NEUROG3: variants seen among roughly 807,000 people sequenced by gnomAD.
The protein encoded by NEUROG3 is neurogenin-3.
For missense variants in NEUROG3, 307 were observed against 297.9 expected, an observed-to-expected ratio of 1.03 and a Z score of -0.22; for synonymous variants, 161 against 139.2, an observed-to-expected ratio of 1.16 and a Z score of -1.10.
At chr10:69,573,150 C>G in intron 1 of NEUROG3, 60 bp downstream of exon 1, 6 of 1,292,890 alleles carry the variant, frequency 4.6e-6, no homozygotes, top group South Asian at 1.3e-5. Flanking sequence ...CTCCCAGCCC[C>G]CGCTGGGTCA....
At position 69,572,677 on chromosome 10, in the gene NEUROG3, C is replaced by G. The variant is rs140128333; in HGVS notation, c.367G>C (p.Glu123Gln). The G allele has an allele frequency of 4.3e-5, 69 of 1,614,124 alleles. No homozygotes were observed. Among genetic ancestry groups the G allele is most frequent in the Admixed American group, 3.2e-4 (19 of 60,026 alleles). The change falls in exon 2 of 2, where the codon GAG becomes CAG. Residue 123 changes from glutamate (E) to glutamine (Q), a missense_variant. Coordinates refer to ENST00000242462, the MANE Select transcript of NEUROG3 (RefSeq NM_020999.4). ...TAGTTGTGGGCGAAGCGCAGCGTCT[C>G]GATCTTGGTGAGCTTCGCGTCGTCT... Reference protein sequence around the residue: ...FPDDAKLTKIETLRFAHNYIW... With the variant: ...FPDDAKLTKIQTLRFAHNYIW...
chr10:69,572,317 C>A lies in NEUROG3; in HGVS notation c.*82G>T. On this transcript the variant is annotated 3_prime_UTR_variant, in exon 2 of 2. Transcript: ENST00000242462. ...GAACAAGTGCTTTTGAGGGCCGCCG[C>A]CGTCGGCCACCCTCTACGGCTCCCG... 1 of 1,470,240 alleles carries A rather than the reference C, an allele frequency of 6.8e-7. No homozygotes were observed. The highest frequency in any genetic ancestry group is 1.2e-5 in the South Asian group (1 of 82,604). The allele number at this position is 1,470,240 out of a possible 1,614,324, so 91.1% of individuals were successfully genotyped here. A position where few individuals can be genotyped will look rare whatever the true frequency, so the allele number is the denominator to read the frequency against.
At chr10:69,573,098 C>A (rs1453273259) in intron 1 of NEUROG3, 54 bp from the exon 2 acceptor site, 3 of 1,595,256 alleles carry the variant, frequency 1.9e-6, no homozygotes, top group Non-Finnish European at 1.7e-6. Context: ...GGGCGCAGTC[C>A]GCGATTCCGA....
rs750440996 is a variant in NEUROG3 at position 69,573,020 on chromosome 10, C to T, written c.24G>A (p.Ala8=). The change falls in exon 2 of 2, where the codon GCG becomes GCA. Residue 8 remains alanine (A), a synonymous_variant. Coordinates refer to ENST00000242462, the MANE Select transcript of NEUROG3 (RefSeq NM_020999.4). ...TCTCACGGGTCACTTGGACAGTGGGCGCACCCGAGGGTTGAGGCGTCATCC... is the reference window on the plus strand; with the variant it reads ...TCTCACGGGTCACTTGGACAGTGGGTGCACCCGAGGGTTGAGGCGTCATCC... The part of the protein sequence containing the change: MTPQPSG[A]PTVQVTRETE... The T allele has an allele frequency of 2.5e-6, 4 of 1,613,480 alleles. No homozygotes were observed. The highest frequency in any genetic ancestry group is 3.4e-6 in the Non-Finnish European group (4 of 1,179,994).
rs199756893 is a variant in NEUROG3 at position 69,572,576 on chromosome 10, G to A, written c.468C>T (p.Cys156=). ...AACCGCCTGGGCTGCCCAGCTCCCC[G>A]CAGTGCGGCGCCGGCGGCTCCAGCG... The part of the protein sequence containing the change: ...LYALEPPAPH[C]GELGSPGGSP... Residue 156 remains cysteine, a synonymous_variant, in exon 2 of 2, where the codon TGC becomes TGT. Coordinates refer to ENST00000242462, the MANE Select transcript of NEUROG3 (RefSeq NM_020999.4). 4 of 1,613,310 alleles carry A rather than the reference G, an allele frequency of 2.5e-6. No homozygotes were observed. The highest frequency in any genetic ancestry group is 1.7e-5 in the Admixed American group (1 of 59,940).
rs764615341 is a variant in NEUROG3, at chr10:69,572,791, G to A, written c.253C>T (p.Arg85Ter). Residue 85 changes from arginine (R) to a stop codon, truncating the protein, a stop_gained, in exon 2 of 2, where the codon CGA becomes TGA. Transcript: ENST00000242462. LOFTEE classifies it low-confidence loss of function (END_TRUNC). ...LALSKQRRSRRKKANDRERNR... is the reference protein window; with the variant it reads ...LALSKQRRSR ...CGCTCGCGGTCGTTGGCCTTCTTTCGCCGACTCCGTCGCTGCTTGCTCAGT... is the reference window on the plus strand; with the variant it reads ...CGCTCGCGGTCGTTGGCCTTCTTTCACCGACTCCGTCGCTGCTTGCTCAGT... The A allele has an allele frequency of 7.4e-6, 12 of 1,613,550 alleles. No individual in the cohort carries two copies. The highest frequency in any genetic ancestry group is 6.7e-5 in the African/African-American group (5 of 74,934).
At position 69,573,244 on chromosome 10, in the gene NEUROG3, G is replaced by A; in HGVS notation, c.-36C>T. The A allele has an allele frequency of 1.6e-6, 1 of 639,056 alleles. No homozygotes were observed. Among genetic ancestry groups the A allele is most frequent in the South Asian group, 2.0e-5 (1 of 50,496 alleles). 39.6% of individuals were successfully genotyped at this position (639,056 alleles called of 1,614,324 possible). A position where few individuals can be genotyped will look rare whatever the true frequency, so the allele number is the denominator to read the frequency against. On this transcript the variant is annotated 5_prime_UTR_variant, in exon 1 of 2. Transcript: ENST00000242462. Reference sequence around the variant, plus strand: ...GGCGCAAAAGAATAGAGAGCGATGAGCAGCGAGGGCCGTGGGGAGCTCAGC... The same window carrying A: ...GGCGCAAAAGAATAGAGAGCGATGAACAGCGAGGGCCGTGGGGAGCTCAGC...
In NEUROG3 at chr10:69,572,833, G is replaced by T. The variant is rs1246939690; in HGVS notation, c.211C>A (p.Pro71Thr). 3 of 1,611,030 alleles carry T rather than the reference G, an allele frequency of 1.9e-6. No homozygotes were observed. The highest frequency in any genetic ancestry group is 1.1e-5 in the South Asian group (1 of 90,826). Residue 71 changes from proline (P) to threonine (T), a missense_variant, in exon 2 of 2, where the codon CCT (proline) becomes ACT (threonine). Transcript: ENST00000242462. ...LRARRGGRSR[P>T]KSELALSKQR... ...TTGCTCAGTGCCAACTCGCTCTTAG[G>T]CCGGCTGCGTCCCCCGCGCCGTGCC...
rs193167555 is a variant in NEUROG3, at chr10:69,572,001, G to A, written c.*398C>T. ...AACATTGGATTGAATCACATTGGAG[G>A]AGGGGTGGTAAGAGACTGAGAGGCA... On this transcript the variant is annotated 3_prime_UTR_variant, in exon 2 of 2. Transcript: ENST00000242462. 116 of 251,020 alleles carry A rather than the reference G, an allele frequency of 4.6e-4. No homozygotes were observed. Among genetic ancestry groups the A allele is most frequent in the African/African-American group, 2.4e-3 (106 of 44,438 alleles). 15.5% of individuals were successfully genotyped at this position (251,020 alleles called of 1,614,324 possible). A position where few individuals can be genotyped will look rare whatever the true frequency, so the allele number is the denominator to read the frequency against.
chr10:69,573,315 T>C lies in NEUROG3; in HGVS notation c.-107A>G. 1.8e-6 allele frequency: 1 copy of C among 558,974 alleles called. No individual in the cohort carries two copies. Among genetic ancestry groups the C allele is most frequent in the Non-Finnish European group, 3.2e-6 (1 of 317,368 alleles). 34.6% of individuals were successfully genotyped at this position (558,974 alleles called of 1,614,324 possible). On this transcript the variant is annotated 5_prime_UTR_variant, in exon 1 of 2. Coordinates refer to ENST00000242462, the MANE Select transcript of NEUROG3 (RefSeq NM_020999.4). ...CAGCTGAGCTGCAGGCGCCCCCGCC[T>C]GGGAGTTGCCCCAGCCCCAAAGGAG...
Position 69,571,993 on chromosome 10 carries a change from C to T in NEUROG3, c.*406G>A, listed in dbSNP as rs1307855773. ...AGAGACCAAACATTGGATTGAATCA[C>T]ATTGGAGGAGGGGTGGTAAGAGACT... On this transcript the variant is annotated 3_prime_UTR_variant, in exon 2 of 2. Transcript: ENST00000242462. 6 of 237,018 alleles carry T rather than the reference C, an allele frequency of 2.5e-5. No individual in the cohort carries two copies. Among genetic ancestry groups the T allele is most frequent in the Non-Finnish European group, 2.5e-5 (3 of 121,258 alleles). The allele number at this position is 237,018 out of a possible 1,614,324, so 14.7% of individuals were successfully genotyped here.
chr10:69,572,371 C>T lies in NEUROG3; in HGVS notation c.*28G>A. 6.3e-7 allele frequency: 1 copy of T among 1,576,334 alleles called. No homozygotes were observed. Among genetic ancestry groups the T allele is most frequent in the Non-Finnish European group, 8.6e-7 (1 of 1,169,160 alleles). ...CCCTCCCTCTCCCTTACCCTTAGCA[C>T]CCACAGCCCAGCGACAGACAGGTCC... On this transcript the variant is annotated 3_prime_UTR_variant, in exon 2 of 2. Coordinates refer to ENST00000242462, the MANE Select transcript of NEUROG3 (RefSeq NM_020999.4).
Position 69,572,437 on chromosome 10 carries a change from A to C in NEUROG3, c.607T>G (p.Leu203Val), listed in dbSNP as rs757915911. The C allele has an allele frequency of 6.3e-7, 1 of 1,589,232 alleles. No individual in the cohort carries two copies. The highest frequency in any genetic ancestry group is 1.3e-5 in the African/African-American group (1 of 74,342). Residue 203 changes from leucine to valine, a missense_variant, in exon 2 of 2, where the codon TTG (leucine) becomes GTG (valine). Physicochemically the swap from Leu to Val is conservative, Grantham distance 32 (BLOSUM62 1). Transcript: ENST00000242462. ...GAGAAAGCCAGACTGCCTGGGCTCA[A>C]GCAGGCGGAAAAGGTGGCCCCCAGC... is the stretch of plus-strand genomic sequence containing the variant. ...GLLGATFSAC[L>V]SPGSLAFSDF... is the part of the protein sequence containing the mutation.
Position 69,572,104 on chromosome 10 carries a change from T to C in NEUROG3, c.*295A>G, listed in dbSNP as rs1422765530. The C allele has an allele frequency of 8.1e-6, 4 of 495,580 alleles. No individual in the cohort carries two copies. In the East Asian group the frequency reaches 1.4e-4, roughly 18 times the overall value. The allele number at this position is 495,580 out of a possible 1,614,324, so 30.7% of individuals were successfully genotyped here. On this transcript the variant is annotated 3_prime_UTR_variant, in exon 2 of 2. Transcript: ENST00000242462. ...GGTAGTGCTACCATTCTAGTATTCT[T>C]TGAATGAGATTATGGGGTGGTGGCA...
In NEUROG3 at chr10:69,573,382, C is replaced by G. The variant is rs2133228138; in HGVS notation, c.-174G>C. The G allele has an allele frequency of 2.5e-6, 1 of 407,104 alleles. No individual in the cohort carries two copies. Among genetic ancestry groups the G allele is most frequent in the African/African-American group, 2.1e-5 (1 of 48,444 alleles). 25.2% of individuals were successfully genotyped at this position (407,104 alleles called of 1,614,324 possible). A position where few individuals can be genotyped will look rare whatever the true frequency, so the allele number is the denominator to read the frequency against. On this transcript the variant is annotated 5_prime_UTR_variant, in exon 1 of 2. Transcript: ENST00000242462. ...GGGTCCGAGGCCTCTGTCACGCTCT[C>G]TCTCGAGGCGCGGCGGTGAGACCGC...
Position 69,572,832 on chromosome 10 carries a change from G to C in NEUROG3, c.212C>G (p.Pro71Arg), listed in dbSNP as rs1361892085. 6.2e-7 allele frequency: 1 copy of C among 1,611,200 alleles called. No homozygotes were observed. Among genetic ancestry groups the C allele is most frequent in the Non-Finnish European group, 8.5e-7 (1 of 1,178,838 alleles). ...LRARRGGRSRPKSELALSKQR... is the reference protein window; with the variant it reads ...LRARRGGRSRRKSELALSKQR... Reference sequence around the variant, plus strand: ...CTTGCTCAGTGCCAACTCGCTCTTAGGCCGGCTGCGTCCCCCGCGCCGTGC... The same window carrying C: ...CTTGCTCAGTGCCAACTCGCTCTTACGCCGGCTGCGTCCCCCGCGCCGTGC... Residue 71 changes from proline to arginine, a missense_variant, in exon 2 of 2, where the codon CCT (proline) becomes CGT (arginine). Coordinates refer to ENST00000242462, the MANE Select transcript of NEUROG3 (RefSeq NM_020999.4).
At position 69,572,663 on chromosome 10, in the gene NEUROG3, G is replaced by A. The variant is rs2133226995; in HGVS notation, c.381C>T (p.Phe127=). The change falls in exon 2 of 2, where the codon TTC becomes TTT. Residue 127 remains phenylalanine (F), a synonymous_variant. Transcript: ENST00000242462. ...TCAGCGCCCAGATGTAGTTGTGGGC[G>A]AAGCGCAGCGTCTCGATCTTGGTGA... is the stretch of plus-strand genomic sequence containing the variant. ...AKLTKIETLR[F]AHNYIWALTQ... 2 of 1,614,144 alleles carry A rather than the reference G, an allele frequency of 1.2e-6. No homozygotes were observed. The highest frequency in any genetic ancestry group is 1.7e-6 in the Non-Finnish European group (2 of 1,179,976).
Position 69,572,814 on chromosome 10 carries a change from A to AGTGCCAACTCGCTCT in NEUROG3, c.215_229dup (p.Ala76_Leu77insGlnSerGluLeuAla). 1 of 1,612,952 alleles carries AGTGCCAACTCGCTCT rather than the reference A, an allele frequency of 6.2e-7. No individual in the cohort carries two copies. Among genetic ancestry groups the AGTGCCAACTCGCTCT allele is most frequent in the Non-Finnish European group, 8.5e-7 (1 of 1,179,522 alleles). ...TCGCCGACTCCGTCGCTGCTTGCTC[A>AGTGCCAACTCGCTCT]GTGCCAACTCGCTCTTAGGCCGGCT... On this transcript the variant is annotated inframe_insertion, in exon 2 of 2. Transcript: ENST00000242462.
rs1839216713 is a variant in NEUROG3, at chr10:69,572,117, T to C, written c.*282A>G. ...TTCTAGTATTCTTTGAATGAGATTA[T>C]GGGGTGGTGGCAGAGAGGAGGCCTA... On this transcript the variant is annotated 3_prime_UTR_variant, in exon 2 of 2. Coordinates refer to ENST00000242462, the MANE Select transcript of NEUROG3 (RefSeq NM_020999.4). 1.9e-6 allele frequency: 1 copy of C among 540,184 alleles called. No individual in the cohort carries two copies. The highest frequency in any genetic ancestry group is 3.3e-5 in the Admixed American group (1 of 30,756). The allele number at this position is 540,184 out of a possible 1,614,324, so 33.5% of individuals were successfully genotyped here. A position where few individuals can be genotyped will look rare whatever the true frequency, so the allele number is the denominator to read the frequency against.
Sources: allele counts gnomAD v4.1 joint callset, GRCh38; gene constraint gnomAD v4.1.1; transcripts MANE v1.5; gene names NCBI Gene and HGNC (gene_info 2026-07-23, HGNC 2026-07-21).